The following SCAPER variants were observed in gnomAD, a reference collection of about 807,000 sequenced individuals.
SCAPER encodes the protein S-phase cyclin A associated protein in the ER.
In SCAPER, 98 loss-of-function variants were observed where a neutral mutation model predicts 182.2. The observed-to-expected ratio is 0.54, with a 90% CI of 0.46 to 0.64. The LOEUF (loss-of-function observed/expected upper bound fraction) is 0.64, where lower values mean the gene tolerates loss of function less well. Among genes scored for constraint, SCAPER ranks in the 30% least tolerant of loss-of-function variants. SCAPER has a pLI of 0.00. For synonymous variants in SCAPER, 605 were observed against 564.6 expected, an observed-to-expected ratio of 1.07 and a Z score of -1.01; for missense variants, 1,432 against 1,690.0, an observed-to-expected ratio of 0.85 and a Z score of 2.68.
chr15:76,885,798 A>G (rs547452174), intron 1 of SCAPER, among the ~76,000 whole-genome samples: 9 of 152,300 alleles, frequency 5.9e-5, no homozygotes, highest in Admixed American at 5.9e-4. Context: ...CCTATTTAAA[A>G]TCATAACCCT....
chr15:76,573,969 A>C (rs536683211), intron 23 of SCAPER, among the ~76,000 whole-genome samples, 189 bp downstream of exon 23: 8 of 152,266 alleles, frequency 5.3e-5, no homozygotes, highest in South Asian at 2.1e-4. Flanking sequence ...TTAAAAAAAA[A>C]CCTGAAAATA....
chr15:76,633,209 C>T (rs543962473), intron 21 of SCAPER, among the ~76,000 whole-genome samples: 4 of 152,284 alleles, frequency 2.6e-5, no homozygotes, highest in African/African-American at 9.6e-5. Context: ...TGGGGATCTA[C>T]TCCAGACGCT....
At chr15:76,667,015 ATTC>A (rs2056624716) in intron 20 of SCAPER, among the ~76,000 whole-genome samples, 1 of 152,124 alleles carries the variant, frequency 6.6e-6, no homozygotes. Flanking sequence ...TCTCAAAAGG[ATTC>A]TTGTTTGTAT....
At chr15:76,543,540 C>G (rs1045697630) in intron 23 of SCAPER, among the ~76,000 whole-genome samples, 1 of 152,140 alleles carries the variant, frequency 6.6e-6, no homozygotes, top group Non-Finnish European at 1.5e-5. Flanking sequence ...ACCCCTAACT[C>G]CTACCAATGC....
chr15:76,373,232 G>T (rs1272100945), intron 29 of SCAPER, among the ~76,000 whole-genome samples: 1 of 151,948 alleles, frequency 6.6e-6, no homozygotes, highest in Non-Finnish European at 1.5e-5. Context: ...ATTTTTAGTA[G>T]AGACAGGGTT....
intron 22 of SCAPER, among the ~76,000 whole-genome samples, chr15:76,601,852 G>C (rs1597608278): frequency 8.3e-6 from 1 of 120,746 alleles, no homozygotes; most frequent in East Asian, 2.2e-4. Context: ...TAAATATACA[G>C]TCATCCCTTG....
chr15:76,502,911 C>T (rs1225683405), intron 24 of SCAPER, among the ~76,000 whole-genome samples: 2 of 152,098 alleles, frequency 1.3e-5, no homozygotes, highest in East Asian at 3.9e-4. Context: ...ACTGTGGACG[C>T]CTCTTCCATT....
intron 22 of SCAPER, among the ~76,000 whole-genome samples, chr15:76,604,372 C>T (rs1316893841): frequency 8.3e-6 from 1 of 119,920 alleles, no homozygotes; most frequent in African/African-American, 2.5e-5. Flanking sequence ...CTGTTCTGTT[C>T]CATTGGTCTA....
intron 27 of SCAPER, among the ~76,000 whole-genome samples, chr15:76,401,847 T>G (rs148009595): frequency 1.5e-3 from 221 of 152,234 alleles, no homozygotes; most frequent in Non-Finnish European, 2.1e-3. Context: ...AAGGATGTGT[T>G]AAAGAACAGG....
intron 20 of SCAPER, among the ~76,000 whole-genome samples, chr15:76,671,785 G>A (rs894160781): frequency 2.6e-5 from 4 of 151,602 alleles, no homozygotes; most frequent in Non-Finnish European, 4.4e-5. Context: ...AAAAAAAGAA[G>A]TGAGGGTGGA....
chr15:76,846,925 C>T (rs964813504), intron 4 of SCAPER, among the ~76,000 whole-genome samples: 1 of 151,594 alleles, frequency 6.6e-6, no homozygotes, highest in Non-Finnish European at 1.5e-5. Flanking sequence ...CAGCACTGTT[C>T]AAAACAGCCA....
intron 2 of SCAPER, among the ~76,000 whole-genome samples, chr15:76,873,560 A>G (rs1482008100): frequency 6.6e-6 from 1 of 152,226 alleles, no homozygotes; most frequent in Non-Finnish European, 1.5e-5. Context: ...AATAATGTAC[A>G]AGTAAAATTG....
chr15:76,531,989 C>T (rs1312464176), intron 23 of SCAPER, among the ~76,000 whole-genome samples: 3 of 152,202 alleles, frequency 2.0e-5, no homozygotes, highest in African/African-American at 7.2e-5. Context: ...TCCTACTCCC[C>T]ACCAGGTATC....
At chr15:76,671,858 G>T (rs1185756379) in intron 20 of SCAPER, among the ~76,000 whole-genome samples, 1 of 151,986 alleles carries the variant, frequency 6.6e-6, no homozygotes, top group Non-Finnish European at 1.5e-5. Flanking sequence ...GAAACATCAG[G>T]ATGAATAATG....
At chr15:76,865,562 T>C (rs2072223482) in intron 2 of SCAPER, among the ~76,000 whole-genome samples, 1 of 152,126 alleles carries the variant, frequency 6.6e-6, no homozygotes, top group Non-Finnish European at 1.5e-5. Flanking sequence ...AGATGAGTGA[T>C]AGTATATCAT....
intron 23 of SCAPER, among the ~76,000 whole-genome samples, chr15:76,557,939 T>C (rs927354711): frequency 6.6e-6 from 1 of 152,164 alleles, no homozygotes; most frequent in African/African-American, 2.4e-5. Context: ...GACAACTGGC[T>C]AGCCATATGC....
intron 8 of SCAPER, among the ~76,000 whole-genome samples, chr15:76,791,847 A>G (rs2065025329): frequency 6.6e-6 from 1 of 152,022 alleles, no homozygotes; most frequent in African/African-American, 2.4e-5. Context: ...CATAAGGACT[A>G]ATTAAAACAC....
chr15:76,786,462 G>T (rs1000264754), intron 8 of SCAPER, among the ~76,000 whole-genome samples: 2 of 151,862 alleles, frequency 1.3e-5, no homozygotes, highest in African/African-American at 2.4e-5. Flanking sequence ...ATAAAAATTT[G>T]CATTAAATCA....
intron 4 of SCAPER, among the ~76,000 whole-genome samples, chr15:76,842,687 C>T (rs1428721084): frequency 1.3e-5 from 2 of 152,184 alleles, no homozygotes; most frequent in East Asian, 3.8e-4. Context: ...TATTATAAAT[C>T]AACTTAACAT....
Sources: gnomAD v4.1 joint callset for allele counts (sites outside exome capture counted in the v4.1 genomes callset) on GRCh38, gnomAD v4.1.1 for gene constraint, MANE v1.5 for transcripts, NCBI Gene and HGNC (gene_info 2026-07-23, HGNC 2026-07-21) for gene names.